Variants in GSE1 observed in about 807,000 individuals in gnomAD.
GSE1 encodes the protein genetic suppressor element 1.
Under a neutral mutation model 112.6 loss-of-function variants are expected in GSE1, and 32 were observed. The ratio of observed to expected loss-of-function variants is 0.28; its 90% CI spans 0.21 to 0.38. The LOEUF (loss-of-function observed/expected upper bound fraction) is 0.38, where lower values mean the gene tolerates loss of function less well. Among genes scored for constraint, GSE1 ranks in the 10% least tolerant of loss-of-function variants. The pLI is 1.00. For missense variants in GSE1, 2,348 were observed against 1,699.2 expected, an observed-to-expected ratio of 1.38 and a Z score of -6.71; for synonymous variants, 1,115 against 735.6, an observed-to-expected ratio of 1.52 and a Z score of -8.35.
At chr16:85,264,022 C>G (rs8058749) in intron 1 of GSE1, among the ~76,000 whole-genome samples, 20,411 of 152,140 alleles carry the variant, frequency 0.13, 1,459 homozygotes, top group South Asian at 0.22. Context: ...GCAGGGACCT[C>G]TCTCCCCCAG....
chr16:85,513,589 G>A (rs1328033397), intron 2 of GSE1, among the ~76,000 whole-genome samples: 1 of 152,060 alleles, frequency 6.6e-6, no homozygotes, highest in Admixed American at 6.5e-5. Flanking sequence ...CCCCTTCTTT[G>A]TCTGTCCAGC....
At chr16:85,619,524 C>A (rs533999557) in intron 1 of GSE1, among the ~76,000 whole-genome samples, 1 of 152,356 alleles carries the variant, frequency 6.6e-6, no homozygotes, top group Admixed American at 6.5e-5. Flanking sequence ...CGATGCCCCA[C>A]AGCCCCAGAC....
chr16:85,454,976 C>T (rs764893011), intron 2 of GSE1, among the ~76,000 whole-genome samples: 2 of 152,162 alleles, frequency 1.3e-5, no homozygotes, highest in Non-Finnish European at 2.9e-5. Flanking sequence ...TCTGGAGAGC[C>T]GTAACTCAAC....
At chr16:85,201,156 T>A (rs1406865157) in intron 1 of GSE1, among the ~76,000 whole-genome samples, 3 of 152,290 alleles carry the variant, frequency 2.0e-5, no homozygotes, top group Non-Finnish European at 4.4e-5. Flanking sequence ...CACTGCAGCC[T>A]CAACCTCCCC....
At chr16:85,351,809 G>A (rs1043249840) in intron 1 of GSE1, among the ~76,000 whole-genome samples, 1 of 152,162 alleles carries the variant, frequency 6.6e-6, no homozygotes, top group Non-Finnish European at 1.5e-5. Flanking sequence ...GGCCAACATG[G>A]TGAAAGCCCG....
chr16:85,492,362 C>T (rs1428962035), intron 2 of GSE1, among the ~76,000 whole-genome samples: 1 of 152,168 alleles, frequency 6.6e-6, no homozygotes, highest in Non-Finnish European at 1.5e-5. Flanking sequence ...TTGAGTCCCC[C>T]TCTCAAATCG....
At chr16:85,662,846 G>T (rs1374385306) in intron 9 of GSE1, 135 bp from the exon 10 acceptor site, 4 of 639,820 alleles carry the variant, frequency 6.3e-6, no homozygotes, top group Non-Finnish European at 1.1e-5. Context: ...CGGTTGAAAG[G>T]AACTGGCCTT....
At chr16:85,321,246 C>G (rs1661250197) in intron 1 of GSE1, among the ~76,000 whole-genome samples, 1 of 152,094 alleles carries the variant, frequency 6.6e-6, no homozygotes, top group African/African-American at 2.4e-5. Context: ...AGTGTGCAGG[C>G]TTGTGGAATC....
At chr16:85,508,477 G>A (rs1395779327) in intron 2 of GSE1, among the ~76,000 whole-genome samples, 1 of 152,214 alleles carries the variant, frequency 6.6e-6, no homozygotes. Context: ...GCTCCAGGAG[G>A]AGCACACGCC....
exon 1 of GSE1, chr16:85,170,427 T>A: frequency 4.1e-6 from 4 of 985,530 alleles, no homozygotes; most frequent in Non-Finnish European, 4.8e-6. Flanking sequence ...GCAGAGCCAC[T>A]AAGACCCTGG....
intron 2 of GSE1, among the ~76,000 whole-genome samples, chr16:85,434,525 T>C (rs2049198727): frequency 6.6e-6 from 1 of 152,076 alleles, no homozygotes; most frequent in Non-Finnish European, 1.5e-5. Context: ...AGTTAGAAAG[T>C]GTCAGAGCCA....
At chr16:85,615,878 A>G (rs1392479495) in intron 1 of GSE1, among the ~76,000 whole-genome samples, 3 of 152,188 alleles carry the variant, frequency 2.0e-5, no homozygotes, top group Admixed American at 6.5e-5. Context: ...ATCCTAACGT[A>G]CACACTGGGG....
At chr16:85,206,004 C>T (rs1193451370) in intron 1 of GSE1, among the ~76,000 whole-genome samples, 1 of 152,156 alleles carries the variant, frequency 6.6e-6, no homozygotes, top group East Asian at 1.9e-4. Context: ...GGCCAAATCA[C>T]ACAAACAAAT....
intron 2 of GSE1, among the ~76,000 whole-genome samples, chr16:85,509,548 C>T (rs910634692): frequency 1.2e-4 from 18 of 152,240 alleles, no homozygotes; most frequent in African/African-American, 3.1e-4. Flanking sequence ...ACCCCTGGCC[C>T]TCGCTGTCAT....
At chr16:85,214,877 G>T (rs1261200185) in intron 1 of GSE1, among the ~76,000 whole-genome samples, 1 of 152,220 alleles carries the variant, frequency 6.6e-6, no homozygotes. Flanking sequence ...GGGCAGGGCT[G>T]ACTCTGAGAG....
intron 2 of GSE1, among the ~76,000 whole-genome samples, chr16:85,475,253 G>C (rs746949501): frequency 4.6e-5 from 7 of 152,216 alleles, no homozygotes; most frequent in Non-Finnish European, 1.0e-4. Context: ...GGCAGCAGGG[G>C]AGGGACGCTT....
chr16:85,517,049 G>A (rs888541592), intron 2 of GSE1, among the ~76,000 whole-genome samples: 19 of 152,264 alleles, frequency 1.2e-4, no homozygotes, highest in African/African-American at 4.3e-4. Context: ...CAGCCATCTC[G>A]GCCTCCCAAA....
intron 1 of GSE1, among the ~76,000 whole-genome samples, chr16:85,242,833 A>G (rs981257626): frequency 6.6e-6 from 1 of 152,100 alleles, no homozygotes; most frequent in Non-Finnish European, 1.5e-5. Flanking sequence ...TTTATTTGAG[A>G]CAAGGTCTTG....
chr16:85,649,210 C>T lies in GSE1; in HGVS notation c.426+459C>T, dbSNP rs115898098. Reference sequence around the variant, plus strand: ...TAATGTCCTTATTCTCATTCGGTCACCTCTTTAAAGACCGTGTCTCCAAAT... The same window carrying T: ...TAATGTCCTTATTCTCATTCGGTCATCTCTTTAAAGACCGTGTCTCCAAAT... On this transcript the variant is annotated intron_variant, in intron 3 of 15. Transcript: ENST00000253458. Among the ~76,000 whole-genome samples, 1,423 of 152,242 alleles carry T rather than the reference C, an allele frequency of 9.3e-3. 25 individuals are homozygous for T. The highest frequency in any genetic ancestry group is 0.031 in the African/African-American group (1,302 of 41,530).
Sources: allele counts gnomAD v4.1 joint callset (sites outside exome capture counted in the v4.1 genomes callset), GRCh38; gene constraint gnomAD v4.1.1; transcripts MANE v1.5; gene names NCBI Gene and HGNC (gene_info 2026-07-23, HGNC 2026-07-21).